Variants in FBXL6 observed in about 807,000 individuals in gnomAD.
FBXL6 encodes the protein F-box/LRR-repeat protein 6.
Under a neutral mutation model 53.3 loss-of-function variants are expected in FBXL6, and 50 were observed. The ratio of observed to expected loss-of-function variants is 0.94; its 90% CI spans 0.75 to 1.19. FBXL6 has a LOEUF of 1.19. Among genes scored for constraint, FBXL6 ranks in the 50% most tolerant of loss-of-function variants. FBXL6 has a pLI of 0.00. For synonymous variants in FBXL6, 405 were observed against 322.9 expected, an observed-to-expected ratio of 1.25 and a Z score of -2.73; for missense variants, 815 against 719.0, an observed-to-expected ratio of 1.13 and a Z score of -1.53.
intron 5 of FBXL6, 46 bp from the exon 6 acceptor site, chr8:144,356,759 G>T (rs376850993): frequency 5.0e-6 from 8 of 1,610,314 alleles, no homozygotes; most frequent in Non-Finnish European, 5.9e-6. Context: ...CAGTGGCCTG[G>T]CAGTCCCCAG....
intron 2 of FBXL6, 41 bp downstream of exon 2, chr8:144,357,587 G>A (rs1554853175): frequency 4.4e-6 from 7 of 1,607,434 alleles, no homozygotes; most frequent in South Asian, 1.1e-5. Flanking sequence ...GAGACGGAAG[G>A]AGCCTGGAGC....
At position 144,357,115 on chromosome 8, in the gene FBXL6, C is replaced by A. The variant is rs1554853022; in HGVS notation, c.646G>T (p.Gly216Cys). Residue 216 changes from glycine to cysteine, a missense_variant, in exon 4 of 9, where the codon GGT (glycine) becomes TGT (cysteine). Coordinates refer to ENST00000331890, the MANE Select transcript of FBXL6 (RefSeq NM_012162.4). ...SQVHPVLKLV[G>C]ECCPRLTFLK... ...AAAGTGAGCCGAGGACAGCACTCAC[C>A]TACCAGCTGCGGGGAGACAGAGGGG... is the stretch of plus-strand genomic sequence containing the variant. 1 of 1,612,896 alleles carries A rather than the reference C, an allele frequency of 6.2e-7. No homozygotes were observed. Among genetic ancestry groups the A allele is most frequent in the African/African-American group, 1.3e-5 (1 of 75,062 alleles).
At position 144,356,032 on chromosome 8, in the gene FBXL6, C is replaced by G; in HGVS notation, c.1408G>C (p.Gly470Arg). 16 of 1,613,008 alleles carry G rather than the reference C, an allele frequency of 9.9e-6. No individual in the cohort carries two copies. Among genetic ancestry groups the G allele is most frequent in the Non-Finnish European group, 1.4e-5 (16 of 1,179,984 alleles). ...ALAAFLSTPG[G>R]SHPALCSLNL... The stretch of plus-strand genomic sequence containing the variant: ...AGAGAGCACAGGGCTGGGTGTGAGC[C>G]CCCAGGGGTGCTTAAGAAGGCAGCC... The change falls in exon 8 of 9, where the codon GGC becomes CGC. Residue 470 changes from glycine (G) to arginine (R), a missense_variant. Gly to Arg is a moderately radical substitution (Grantham distance 125). Coordinates refer to ENST00000331890, the MANE Select transcript of FBXL6 (RefSeq NM_012162.4).
Position 144,357,067 on chromosome 8 carries a change from C to A in FBXL6, c.694G>T (p.Gly232Cys), listed in dbSNP as rs782076645. Residue 232 changes from glycine to cysteine, a missense_variant, in exon 4 of 9, where the codon GGT (glycine) becomes TGT (cysteine). Coordinates refer to ENST00000331890, the MANE Select transcript of FBXL6 (RefSeq NM_012162.4). ...LTFLKLSGCH[G>C]VTADALVMLA... Reference sequence around the variant, plus strand: ...ATGACCAGAGCGTCAGCAGTCACACCGTGGCAGCCGGAGAGCTTGAGGAAA... The same window carrying A: ...ATGACCAGAGCGTCAGCAGTCACACAGTGGCAGCCGGAGAGCTTGAGGAAA... The A allele has an allele frequency of 6.2e-7, 1 of 1,612,922 alleles. No homozygotes were observed. Among genetic ancestry groups the A allele is most frequent in the East Asian group, 2.2e-5 (1 of 44,878 alleles).
rs1554852670 is a variant in FBXL6 at position 144,356,032 on chromosome 8, C to A, written c.1408G>T (p.Gly470Cys). 6.2e-7 allele frequency: 1 copy of A among 1,613,008 alleles called. No homozygotes were observed. The highest frequency in any genetic ancestry group is 1.3e-5 in the African/African-American group (1 of 75,034). Residue 470 changes from glycine (G) to cysteine (C), a missense_variant, in exon 8 of 9, where the codon GGC becomes TGC. Coordinates refer to ENST00000331890, the MANE Select transcript of FBXL6 (RefSeq NM_012162.4). ...ALAAFLSTPG[G>C]SHPALCSLNL... ...AGAGAGCACAGGGCTGGGTGTGAGC[C>A]CCCAGGGGTGCTTAAGAAGGCAGCC...
rs1480345761 is a variant in FBXL6, at chr8:144,358,417, G to T, written c.31C>A (p.Arg11Ser). 28 of 1,246,078 alleles carry T rather than the reference G, an allele frequency of 2.2e-5. No individual in the cohort carries two copies. The highest frequency in any genetic ancestry group is 2.8e-5 in the Non-Finnish European group (28 of 996,000). 77.2% of individuals were successfully genotyped at this position (1,246,078 alleles called of 1,614,324 possible). Residue 11 changes from arginine to serine, a missense_variant, in exon 1 of 9, where the codon CGC becomes AGC. Coordinates refer to ENST00000331890, the MANE Select transcript of FBXL6 (RefSeq NM_012162.4). MAAPASRQVR[R>S]RARAAPRPRS... ...GGCCGCGGCGCTGCCCGGGCTCTGC[G>T]TCGGACCTGCCGGGAGGCTGGGGCA...
intron 8 of FBXL6, 106 bp from the exon 9 acceptor site, chr8:144,355,784 T>C: frequency 6.5e-7 from 1 of 1,530,080 alleles, no homozygotes; most frequent in Non-Finnish European, 8.8e-7. Flanking sequence ...CTGCCACCCA[T>C]AGCCACCAAG....
At position 144,358,290 on chromosome 8, in the gene FBXL6, C is replaced by T. The variant is rs200282665; in HGVS notation, c.158G>A (p.Gly53Asp). The T allele has an allele frequency of 1.6e-6, 2 of 1,242,274 alleles. No individual in the cohort carries two copies. The highest frequency in any genetic ancestry group is 2.0e-6 in the Non-Finnish European group (2 of 993,582). The allele number at this position is 1,242,274 out of a possible 1,614,324, so 77.0% of individuals were successfully genotyped here. The change falls in exon 1 of 9, where the codon GGC becomes GAC. Residue 53 changes from glycine (G) to aspartate (D), a missense_variant. Physicochemically the swap from Gly to Asp is moderately conservative, Grantham distance 94. Transcript: ENST00000331890. ...CCGCTGTGCGCGGGGCCGGGCGGGG[C>T]CGGGTTCGGACAGCACCAGCAGCAT... ...DSMLLVLSEP[G>D]PARPRAQRRA...
In FBXL6 at chr8:144,358,460, C is replaced by T; in HGVS notation, c.-13G>A. On this transcript the variant is annotated 5_prime_UTR_variant, in exon 1 of 9. Transcript: ENST00000331890. Reference sequence around the variant, plus strand: ...CTGGGGCAGCCATGACCACCGACGGCGCTCGGGGAAGCCCCAGGGAGCGGA... The same window carrying T: ...CTGGGGCAGCCATGACCACCGACGGTGCTCGGGGAAGCCCCAGGGAGCGGA... 1.6e-6 allele frequency: 2 copies of T among 1,237,416 alleles called. No homozygotes were observed. Among genetic ancestry groups the T allele is most frequent in the Non-Finnish European group, 2.0e-6 (2 of 990,720 alleles). The allele number at this position is 1,237,416 out of a possible 1,614,324, so 76.7% of individuals were successfully genotyped here.
At position 144,358,137 on chromosome 8, in the gene FBXL6, T is replaced by G; in HGVS notation, c.311A>C (p.Glu104Ala). The stretch of plus-strand genomic sequence containing the variant: ...TCCCCAGCCCGCGTCGGGCCCTTCC[T>G]CGGGCGTGGGCGTGGGTGCCGGTGC... ...APAPAPTPTPEEGPDAGWGDR... is the reference protein window; with the variant it reads ...APAPAPTPTPAEGPDAGWGDR... Residue 104 changes from glutamate to alanine, a missense_variant, in exon 1 of 9, where the codon GAG becomes GCG. Transcript: ENST00000331890. 1 of 1,564,282 alleles carries G rather than the reference T, an allele frequency of 6.4e-7. No homozygotes were observed. Among genetic ancestry groups the G allele is most frequent in the Non-Finnish European group, 8.6e-7 (1 of 1,161,964 alleles).
intron 3 of FBXL6, 124 bp downstream of exon 3, chr8:144,357,315 A>C: frequency 7.9e-7 from 1 of 1,270,660 alleles, no homozygotes; most frequent in Non-Finnish European, 1.1e-6. Context: ...AAAGAGAACC[A>C]GGCAGGCAGG....
rs1818413207 is a variant in FBXL6, at chr8:144,356,336, T to C, written c.1189A>G (p.Ile397Val). Residue 397 changes from isoleucine to valine, a missense_variant, in exon 7 of 9, where the codon ATC becomes GTC. By Grantham distance (29) the Ile-to-Val change is conservative (BLOSUM62 3). Transcript: ENST00000331890. The stretch of plus-strand genomic sequence containing the variant: ...AGATCCTGAAGGCCAGCCGGCGTGA[T>C]GCGCGCACAGCCACGAAGATCCAGT... The part of the protein sequence containing the change: ...RLLDLRGCAR[I>V]TPAGLQDLPC... 4.4e-6 allele frequency: 7 copies of C among 1,604,256 alleles called. No individual in the cohort carries two copies. The highest frequency in any genetic ancestry group is 1.7e-5 in the Admixed American group (1 of 59,416).
chr8:144,357,247 C>T, intron 3 of FBXL6, 126 bp from the exon 4 acceptor site: 1 of 1,390,770 alleles, frequency 7.2e-7, no homozygotes, highest in Non-Finnish European at 9.8e-7. Context: ...TCTGCCCATG[C>T]CAGGCCTACT....
rs782625066 is a variant in FBXL6 at position 144,356,924 on chromosome 8, C to A, written c.772-9G>T. ...ACAGCTGTGGACTCCACCTGGGGCC[C>A]CAATACAAGAGCACCCGTCACCCCG... On this transcript the variant is annotated splice_polypyrimidine_tract_variant and intron_variant, in intron 4 of 8. Coordinates refer to ENST00000331890, the MANE Select transcript of FBXL6 (RefSeq NM_012162.4). 1 of 1,613,260 alleles carries A rather than the reference C, an allele frequency of 6.2e-7. No individual in the cohort carries two copies. The highest frequency in any genetic ancestry group is 8.5e-7 in the Non-Finnish European group (1 of 1,180,010).
Position 144,357,016 on chromosome 8 carries a change from G to A in FBXL6, c.745C>T (p.His249Tyr), listed in dbSNP as rs1402750006. Residue 249 changes from histidine to tyrosine, a missense_variant, in exon 4 of 9, where the codon CAT (histidine) becomes TAT (tyrosine). Physicochemically the swap from His to Tyr is moderately conservative, Grantham distance 83. Transcript: ENST00000331890. ...VMLAKACCQL[H>Y]SLDLQHSMVE... Reference sequence around the variant, plus strand: ...ATGGAGTGCTGTAGGTCCAGGCTATGGAGCTGGCAGCAGGCTTTGGCTAGC... The same window carrying A: ...ATGGAGTGCTGTAGGTCCAGGCTATAGAGCTGGCAGCAGGCTTTGGCTAGC... 2.5e-6 allele frequency: 4 copies of A among 1,612,928 alleles called. No homozygotes were observed. The African/African-American group carries it at 5.3e-5, about 22-fold the overall frequency.
chr8:144,357,106 A>T lies in FBXL6; in HGVS notation c.655T>A (p.Cys219Ser), dbSNP rs782189197. 2.5e-6 allele frequency: 4 copies of T among 1,612,802 alleles called. No homozygotes were observed. The highest frequency in any genetic ancestry group is 3.4e-6 in the Non-Finnish European group (4 of 1,180,004). The change falls in exon 4 of 9, where the codon TGT becomes AGT. Residue 219 changes from cysteine (C) to serine (S), a missense_variant. Coordinates refer to ENST00000331890, the MANE Select transcript of FBXL6 (RefSeq NM_012162.4). ...AGCTTGAGGAAAGTGAGCCGAGGACAGCACTCACCTACCAGCTGCGGGGAG... is the reference window on the plus strand; with the variant it reads ...AGCTTGAGGAAAGTGAGCCGAGGACTGCACTCACCTACCAGCTGCGGGGAG... ...HPVLKLVGEC[C>S]PRLTFLKLSG...
At chr8:144,357,988 G>T (rs1167223328) in intron 1 of FBXL6, 44 bp downstream of exon 1, 5 of 1,561,408 alleles carry the variant, frequency 3.2e-6, no homozygotes, top group Non-Finnish European at 4.3e-6. Context: ...ACCACGTCTG[G>T]CCCAAGCCGC....
intron 1 of FBXL6, 90 bp downstream of exon 1, chr8:144,357,942 C>A: frequency 6.8e-7 from 1 of 1,461,160 alleles, no homozygotes; most frequent in Admixed American, 2.6e-5. Context: ...CGCTCCGATG[C>A]TTTCGCCCTC....
intron 1 of FBXL6, 98 bp downstream of exon 1, chr8:144,357,934 C>A: frequency 6.9e-7 from 1 of 1,455,516 alleles, no homozygotes; most frequent in African/African-American, 1.5e-5. Flanking sequence ...GCGGTGCGCG[C>A]TCCGATGCTT....
Sources: allele counts gnomAD v4.1 joint callset, GRCh38; gene constraint gnomAD v4.1.1; transcripts MANE v1.5; gene names NCBI Gene and HGNC (gene_info 2026-07-23, HGNC 2026-07-21).